Variants in MAPKAPK2 observed in about 807,000 individuals in gnomAD.
MAPKAPK2 encodes MAP kinase-activated protein kinase 2.
In MAPKAPK2, 9 loss-of-function variants were observed where a neutral mutation model predicts 48.8. The observed-to-expected ratio is 0.18, with a 90% confidence interval of 0.11 to 0.32. MAPKAPK2 has a LOEUF of 0.32. Among genes scored for constraint, MAPKAPK2 ranks in the 10% least tolerant of loss-of-function variants. The pLI is 1.00. For synonymous variants in MAPKAPK2, 202 were observed against 190.6 expected, an observed-to-expected ratio of 1.06 and a Z score of -0.49; for missense variants, 331 against 498.3, an observed-to-expected ratio of 0.66 and a Z score of 3.20.
chr1:206,697,410 T>A lies in MAPKAPK2; in HGVS notation c.279+11902T>A, dbSNP rs143746489. 2.3e-3 allele frequency among the ~76,000 whole-genome samples: 350 copies of A among 152,258 alleles called. 2 individuals carry two copies. Among genetic ancestry groups the A allele is most frequent in the African/African-American group, 8.1e-3 (335 of 41,536 alleles). On this transcript the variant is annotated intron_variant, in intron 1 of 9. Transcript: ENST00000367103. The stretch of plus-strand genomic sequence containing the variant: ...GAGAAAAGAGGTTTATTGCTCACAG[T>A]TCTGCAGGCTGTACAAGGATCATGG...
At chr1:206,727,955 G>A (rs529164677) in intron 1 of MAPKAPK2, among the ~76,000 whole-genome samples, 1 of 152,300 alleles carries the variant, frequency 6.6e-6, no homozygotes, top group Admixed American at 6.5e-5. Flanking sequence ...GGCCAGTTGA[G>A]TTGTAGGCTT....
At chr1:206,720,844 C>T (rs1435581844) in intron 1 of MAPKAPK2, among the ~76,000 whole-genome samples, 1 of 152,102 alleles carries the variant, frequency 6.6e-6, no homozygotes, top group African/African-American at 2.4e-5. Flanking sequence ...TAGACAATGA[C>T]AGTGATGATA....
intron 1 of MAPKAPK2, among the ~76,000 whole-genome samples, chr1:206,686,245 G>T (rs1263205455): frequency 6.6e-6 from 1 of 152,214 alleles, no homozygotes; most frequent in Non-Finnish European, 1.5e-5. Flanking sequence ...TGTAACCCGC[G>T]GCCGGGCCCG....
At chr1:206,686,021 C>T (rs1553425561) in intron 1 of MAPKAPK2, among the ~76,000 whole-genome samples, 2 of 152,154 alleles carry the variant, frequency 1.3e-5, no homozygotes, top group Non-Finnish European at 2.9e-5. Context: ...GATTTCACTT[C>T]CCCGAGCCTC....
At chr1:206,707,753 G>A (rs1403145939) in intron 1 of MAPKAPK2, among the ~76,000 whole-genome samples, 2 of 152,208 alleles carry the variant, frequency 1.3e-5, no homozygotes, top group South Asian at 2.1e-4. Flanking sequence ...CACTGATTTA[G>A]CATTTGCTGT....
chr1:206,721,737 TG>T (rs1227242445), intron 1 of MAPKAPK2, among the ~76,000 whole-genome samples: 2 of 152,034 alleles, frequency 1.3e-5, no homozygotes, highest in Non-Finnish European at 2.9e-5. Flanking sequence ...CCTCCCAGGG[TG>T]GGGGTGAAGT....
chr1:206,723,990 G>A (rs782280400), intron 1 of MAPKAPK2, among the ~76,000 whole-genome samples: 4 of 152,266 alleles, frequency 2.6e-5, no homozygotes, highest in African/African-American at 7.2e-5. Context: ...GGCACAAACT[G>A]TGGGGCTGAG....
intron 1 of MAPKAPK2, among the ~76,000 whole-genome samples, chr1:206,689,905 C>T (rs190806999): frequency 8.5e-5 from 13 of 152,256 alleles, no homozygotes; most frequent in Admixed American, 8.5e-4. Context: ...GGAGCTAAAT[C>T]GTGTGGCTGG....
chr1:206,691,415 G>A (rs1426126412), intron 1 of MAPKAPK2, among the ~76,000 whole-genome samples: 2 of 147,086 alleles, frequency 1.4e-5, no homozygotes, highest in Admixed American at 6.9e-5. Context: ...GGCAGTTATA[G>A]AACCCAAATC....
In MAPKAPK2 at chr1:206,731,468, G is replaced by A. The variant is rs1370675414; in HGVS notation, c.893-172G>A. 48 of 1,133,398 alleles carry A rather than the reference G, an allele frequency of 4.2e-5. No individual in the cohort carries two copies. Among genetic ancestry groups the A allele is most frequent in the African/African-American group, 4.6e-5 (3 of 65,216 alleles). 70.2% of individuals were successfully genotyped at this position (1,133,398 alleles called of 1,614,324 possible). On this transcript the variant is annotated intron_variant, in intron 7 of 9. Coordinates refer to ENST00000367103, the MANE Select transcript of MAPKAPK2 (RefSeq NM_032960.4). This position sits in a 1 kb window ranked among gnomAD's most constrained non-coding sequence, Gnocchi z 5.9. ...GAGGCAGGGCCAAGGCTGTGGGGCT[G>A]TGCAGGGCCTCTCAAGTGGTACAGC...
chr1:206,695,205 A>G (rs1672576591), intron 1 of MAPKAPK2, among the ~76,000 whole-genome samples: 2 of 152,216 alleles, frequency 1.3e-5, no homozygotes, highest in Admixed American at 1.3e-4. Flanking sequence ...AGGTGTAACC[A>G]GAGAGAGAAG....
chr1:206,700,831 T>C (rs986218490), intron 1 of MAPKAPK2, among the ~76,000 whole-genome samples: 77 of 152,136 alleles, frequency 5.1e-4, no homozygotes, highest in African/African-American at 1.8e-3. Flanking sequence ...AACTAAGGGA[T>C]GTTGTAGGTC....
chr1:206,703,403 G>A (rs1553428140), intron 1 of MAPKAPK2, among the ~76,000 whole-genome samples: 1 of 152,156 alleles, frequency 6.6e-6, no homozygotes, highest in East Asian at 1.9e-4. Flanking sequence ...AGAGGCCTGG[G>A]TGGCGTATTG....
At chr1:206,729,500 C>T (rs781966652) in intron 4 of MAPKAPK2, 25 bp downstream of exon 4, 64 of 1,604,504 alleles carry the variant, frequency 4.0e-5, no homozygotes, top group Non-Finnish European at 5.0e-5. Flanking sequence ...TAACCCTGAG[C>T]CCGAGTGCTG....
In MAPKAPK2 at chr1:206,685,324, CGGCGCAG is replaced by C; in HGVS notation, c.96_102del (p.Ala33ArgfsTer101). On this transcript the variant is annotated frameshift_variant, in exon 1 of 10. Transcript: ENST00000367103. LOFTEE classifies it high-confidence loss of function. Reference sequence around the variant, plus strand: ...CCCACCCCTGCCCTGCCGCACCCCCCGGCGCAGCCGCCGCCGCCGCCCCCGCAGCAGT... The same window carrying C: ...CCCACCCCTGCCCTGCCGCACCCCCCCCGCCGCCGCCGCCCCCGCAGCAGT... 1 of 1,423,364 alleles carries C rather than the reference CGGCGCAG, an allele frequency of 7.0e-7. No individual in the cohort carries two copies. Among genetic ancestry groups the C allele is most frequent in the Non-Finnish European group, 9.3e-7 (1 of 1,071,112 alleles). The allele number at this position is 1,423,364 out of a possible 1,614,324, so 88.2% of individuals were successfully genotyped here. A position where few individuals can be genotyped will look rare whatever the true frequency, so the allele number is the denominator to read the frequency against.
intron 1 of MAPKAPK2, among the ~76,000 whole-genome samples, chr1:206,719,281 T>C (rs1553430894): frequency 6.6e-6 from 1 of 152,196 alleles, no homozygotes; most frequent in African/African-American, 2.4e-5. Flanking sequence ...CTGTGACAGC[T>C]CTGGAGAGGG....
chr1:206,715,996 C>T (rs1375053267), intron 1 of MAPKAPK2, among the ~76,000 whole-genome samples: 2 of 150,630 alleles, frequency 1.3e-5, no homozygotes, highest in East Asian at 3.9e-4. Context: ...CTGTTTTTGT[C>T]TCAGTTTTTT....
intron 4 of MAPKAPK2, among the ~76,000 whole-genome samples, chr1:206,729,712 G>T (rs1673836471): frequency 6.6e-6 from 1 of 151,906 alleles, no homozygotes; most frequent in Admixed American, 6.6e-5. Flanking sequence ...GAACCCCTCA[G>T]TCACACTCTT....
At chr1:206,689,694 A>T (rs148405726) in intron 1 of MAPKAPK2, among the ~76,000 whole-genome samples, 4 of 152,228 alleles carry the variant, frequency 2.6e-5, no homozygotes, top group African/African-American at 9.7e-5. Flanking sequence ...GCACTGTCCA[A>T]TCTGGTAGCC....
Sources: allele counts gnomAD v4.1 joint callset (sites outside exome capture counted in the v4.1 genomes callset), GRCh38; gene constraint gnomAD v4.1.1; non-coding constraint Gnocchi (gnomAD v3.1); transcripts MANE v1.5; gene names NCBI Gene and HGNC (gene_info 2026-07-23, HGNC 2026-07-21).